The following EXOC6B variants were observed in gnomAD, a reference collection of about 807,000 sequenced individuals.
EXOC6B encodes the protein exocyst complex component 6B, also known as SEC15 homolog B.
EXOC6B carries 54 observed loss-of-function variants against 113.5 expected under a neutral mutation model. That is an observed-to-expected ratio of 0.48 (90% confidence interval 0.38 to 0.60). The LOEUF (loss-of-function observed/expected upper bound fraction) is 0.60, where lower values mean the gene tolerates loss of function less well. Ranked by LOEUF, EXOC6B falls within the 20% of genes least tolerant of loss-of-function variation. The pLI is 0.00. For synonymous variants in EXOC6B, 357 were observed against 339.0 expected (o/e 1.05, Z -0.58); for missense variants, 797 against 977.5 (o/e 0.82, Z 2.46).
chr2:72,680,282 T>C (rs1676607219), intron 6 of EXOC6B, among the ~76,000 whole-genome samples: 1 of 152,224 alleles, frequency 6.6e-6, no homozygotes, highest in Non-Finnish European at 1.5e-5. Context: ...TGCTACTTAT[T>C]AGCTATGTAA....
At chr2:72,476,988 G>A (rs896321206) in intron 17 of EXOC6B, among the ~76,000 whole-genome samples, 10 of 152,056 alleles carry the variant, frequency 6.6e-5, no homozygotes, top group Admixed American at 3.3e-4. Flanking sequence ...CTTCTTTGGC[G>A]GTCCTAAAGG....
At chr2:72,500,973 A>T (rs573479640) in intron 11 of EXOC6B, among the ~76,000 whole-genome samples, 1 of 152,262 alleles carries the variant, frequency 6.6e-6, no homozygotes, top group African/African-American at 2.4e-5. Context: ...ACTAGTATCG[A>T]TACCAAATAT....
Position 72,176,268 on chromosome 2 carries a change from A to C in EXOC6B, c.*3067T>G, listed in dbSNP as rs1222550195. ...AATTGTGAATGCAGGCAAAAAAAAA[A>C]AAAACAAAAAGGAAGAAGAAGAAGA... On this transcript the variant is annotated 3_prime_UTR_variant, in exon 22 of 22. Coordinates refer to ENST00000272427, the MANE Select transcript of EXOC6B (RefSeq NM_015189.3). 1 of 149,666 alleles carries C rather than the reference A, an allele frequency of 6.7e-6. No individual in the cohort carries two copies. Among genetic ancestry groups the C allele is most frequent in the Non-Finnish European group, 1.5e-5 (1 of 67,184 alleles). 9.3% of individuals were successfully genotyped at this position (149,666 alleles called of 1,614,324 possible).
chr2:72,217,965 TA>T (rs1680641555), intron 20 of EXOC6B, among the ~76,000 whole-genome samples: 2 of 152,172 alleles, frequency 1.3e-5, no homozygotes, highest in Non-Finnish European at 2.9e-5. Context: ...ACAAGATAAT[TA>T]AAGGTGGCAG....
In EXOC6B at chr2:72,303,092, G is replaced by A. The variant is rs112978283; in HGVS notation, c.2196+31855C>T. ...TTTACTAAGGAAGCTTGGTTTGGCTGGATATGAAATTCTTGGTTGAAGTTT... is the reference window on the plus strand; with the variant it reads ...TTTACTAAGGAAGCTTGGTTTGGCTAGATATGAAATTCTTGGTTGAAGTTT... On this transcript the variant is annotated intron_variant, in intron 20 of 21. Transcript: ENST00000272427. Among the ~76,000 whole-genome samples, 22 of 152,206 alleles carry A rather than the reference G, an allele frequency of 1.4e-4. 2 individuals are homozygous for A. The highest frequency in any genetic ancestry group is 4.6e-4 in the African/African-American group (19 of 41,528).
chr2:72,382,652 C>G (rs768338566), intron 18 of EXOC6B, among the ~76,000 whole-genome samples: 4 of 152,156 alleles, frequency 2.6e-5, no homozygotes, highest in African/African-American at 9.7e-5. Context: ...CTTCTTCCTA[C>G]TCATGAATAT....
chr2:72,498,423 C>G lies in EXOC6B; in HGVS notation c.1337+31G>C, dbSNP rs1468367442. 2.0e-6 allele frequency: 3 copies of G among 1,484,720 alleles called. No individual in the cohort carries two copies. In the East Asian group the frequency reaches 6.8e-5, roughly 34 times the overall value. The allele number at this position is 1,484,720 out of a possible 1,614,324, so 92.0% of individuals were successfully genotyped here. A position where few individuals can be genotyped will look rare whatever the true frequency, so the allele number is the denominator to read the frequency against. Reference sequence around the variant, plus strand: ...GTGTGTACACTAATGTACATGAACACACACACATATGACTATAGATAATTT... The same window carrying G: ...GTGTGTACACTAATGTACATGAACAGACACACATATGACTATAGATAATTT... On this transcript the variant is annotated intron_variant, in intron 13 of 21. Transcript: ENST00000272427.
rs866897714 is a variant in EXOC6B at position 72,401,659 on chromosome 2, A to G, written c.1981-21789T>C. On this transcript the variant is annotated intron_variant, in intron 18 of 21. Transcript: ENST00000272427. ...TATACATATATACATATATATATAT[A>G]TATATATGTATATATATATATATAT... Among the ~76,000 whole-genome samples the G allele has an allele frequency of 1.0e-3, 78 of 76,764 alleles. 1 individual carries two copies. The highest frequency in any genetic ancestry group is 6.6e-3 in the South Asian group (22 of 3,332). The allele number at this position is 76,764 out of a possible 152,430, so 50.4% of individuals were successfully genotyped here.
chr2:72,405,146 T>C (rs1011837949), intron 18 of EXOC6B, among the ~76,000 whole-genome samples: 1 of 151,812 alleles, frequency 6.6e-6, no homozygotes, highest in Non-Finnish European at 1.5e-5. Flanking sequence ...GTGAGAAGTT[T>C]AGAGAAAAAA....
At chr2:72,279,109 A>G (rs1387799513) in intron 20 of EXOC6B, among the ~76,000 whole-genome samples, 3 of 152,216 alleles carry the variant, frequency 2.0e-5, no homozygotes, top group African/African-American at 7.2e-5. Flanking sequence ...CCATGATACC[A>G]AAAGGATTTT....
chr2:72,655,233 G>C (rs1380292321), intron 6 of EXOC6B, among the ~76,000 whole-genome samples: 1 of 152,144 alleles, frequency 6.6e-6, no homozygotes, highest in Non-Finnish European at 1.5e-5. Flanking sequence ...TACTTCAATA[G>C]ATGGGGAATA....
chr2:72,562,505 G>T (rs781406509), intron 7 of EXOC6B, among the ~76,000 whole-genome samples: 1 of 152,076 alleles, frequency 6.6e-6, no homozygotes, highest in Non-Finnish European at 1.5e-5. Context: ...GCAGAGGGAG[G>T]GGTCCAAGGA....
chr2:72,312,864 A>G (rs1212934778), intron 20 of EXOC6B, among the ~76,000 whole-genome samples: 1 of 151,906 alleles, frequency 6.6e-6, no homozygotes, highest in Non-Finnish European at 1.5e-5. Context: ...TTTTCATTTT[A>G]CATTGGGGAA....
intron 18 of EXOC6B, 63 bp downstream of exon 18, chr2:72,465,097 C>A: frequency 7.0e-7 from 1 of 1,424,398 alleles, no homozygotes; most frequent in Non-Finnish European, 9.7e-7. Context: ...ACATCTTTCA[C>A]CAAACTAAAT....
chr2:72,349,130 A>G (rs1470473181), intron 19 of EXOC6B, among the ~76,000 whole-genome samples: 1 of 152,202 alleles, frequency 6.6e-6, no homozygotes, highest in African/African-American at 2.4e-5. Context: ...TCTCAGTGCC[A>G]GATGTCTCAG....
intron 19 of EXOC6B, among the ~76,000 whole-genome samples, chr2:72,369,533 A>G (rs2105019343): frequency 6.6e-6 from 1 of 152,290 alleles, no homozygotes; most frequent in South Asian, 2.1e-4. Context: ...TATGGAAGCA[A>G]AAAAGAGCCC....
chr2:72,569,402 C>T (rs890446739), intron 7 of EXOC6B, among the ~76,000 whole-genome samples: 2 of 151,956 alleles, frequency 1.3e-5, no homozygotes, highest in African/African-American at 4.8e-5. Context: ...TGGATAGACA[C>T]CCAATATAAG....
chr2:72,661,370 CAAA>C (rs200936973), intron 6 of EXOC6B, among the ~76,000 whole-genome samples: 1 of 69,068 alleles, frequency 1.4e-5, no homozygotes, highest in Non-Finnish European at 3.0e-5. Context: ...CAAGGAATCT[CAAA>C]AAAAAAAAAA....
intron 9 of EXOC6B, 77 bp downstream of exon 9, chr2:72,514,954 GACACACACACAC>G (rs57089571): frequency 2.4e-5 from 21 of 888,270 alleles, no homozygotes; most frequent in Middle Eastern, 4.6e-4. Flanking sequence ...CACACACACA[GACACACACACAC>G]ACACACACAC....
Sources: allele counts gnomAD v4.1 joint callset (sites outside exome capture counted in the v4.1 genomes callset), GRCh38; gene constraint gnomAD v4.1.1; transcripts MANE v1.5; gene names NCBI Gene and HGNC (gene_info 2026-07-23, HGNC 2026-07-21).